Variants in CCDC13 observed in about 807,000 individuals in gnomAD.
CCDC13 encodes coiled-coil domain-containing protein 13.
In CCDC13, 70 loss-of-function variants were observed where a neutral mutation model predicts 87.3. The observed-to-expected ratio is 0.80, with a 90% CI of 0.66 to 0.98. The LOEUF is 0.98. Ranked by LOEUF, CCDC13 falls within the 50% of genes least tolerant of loss-of-function variation. The pLI is 0.00. For synonymous variants in CCDC13, 317 were observed against 360.3 expected, an observed-to-expected ratio of 0.88 and a Z score of 1.36; for missense variants, 842 against 892.0, an observed-to-expected ratio of 0.94 and a Z score of 0.71.
In CCDC13 at chr3:42,754,378, G is replaced by A. The variant is rs192568704; in HGVS notation, c.371-1661C>T. 2.1e-3 allele frequency among the ~76,000 whole-genome samples: 324 copies of A among 152,274 alleles called. 1 individual carries two copies. Among genetic ancestry groups the A allele is most frequent in the Non-Finnish European group, 3.8e-3 (261 of 68,016 alleles). On this transcript the variant is annotated intron_variant, in intron 3 of 15. Coordinates refer to ENST00000310232, the MANE Select transcript of CCDC13 (RefSeq NM_144719.4). ...TGGAGCCCTGGAGTATCTAGAGGGA[G>A]ACAGGCCCCATTCAGCACCAAGATG...
chr3:42,735,519 G>A (rs922976070), intron 10 of CCDC13, among the ~76,000 whole-genome samples, 188 bp downstream of exon 10: 3 of 152,196 alleles, frequency 2.0e-5, no homozygotes, highest in Admixed American at 6.5e-5. Flanking sequence ...CAGATTTTAA[G>A]TAGAGCAAGG....
intron 13 of CCDC13, among the ~76,000 whole-genome samples, chr3:42,726,922 C>G (rs774796750): frequency 6.6e-6 from 1 of 151,896 alleles, no homozygotes; most frequent in Non-Finnish European, 1.5e-5. Flanking sequence ...TAAGGAATGA[C>G]AATAAAACTG....
At chr3:42,739,550 G>A in intron 9 of CCDC13, 84 bp downstream of exon 9, 4 of 1,462,902 alleles carry the variant, frequency 2.7e-6, no homozygotes, top group Non-Finnish European at 3.7e-6. Context: ...AGGGGTGAGT[G>A]AGGGCTCACT....
At position 42,716,842 on chromosome 3, in the gene CCDC13, C is replaced by T. The variant is rs186956009; in HGVS notation, c.1719-3526G>A. ...ACAATTCCACTTCTCAAATTGAAAA[C>T]GGGGACTCAAACAGGTACTTGTACA... On this transcript the variant is annotated intron_variant, in intron 13 of 15. Coordinates refer to ENST00000310232, the MANE Select transcript of CCDC13 (RefSeq NM_144719.4). Among the ~76,000 whole-genome samples, 14 of 152,242 alleles carry T rather than the reference C, an allele frequency of 9.2e-5. No individual in the cohort carries two copies. In the East Asian group the frequency reaches 2.5e-3, roughly 27 times the overall value.
In CCDC13 at chr3:42,751,997, G is replaced by C. The variant is rs1205860718; in HGVS notation, c.542C>G (p.Ala181Gly). Residue 181 changes from alanine (A) to glycine (G), a missense_variant, in exon 5 of 16, where the codon GCC becomes GGC. Coordinates refer to ENST00000310232, the MANE Select transcript of CCDC13 (RefSeq NM_144719.4). ...GGCTCCTGCGTCGGTGGCCCCCTTG[G>C]CTGACAGCCTGGTCAGGGCTGTCTG... ...ELQTALTRLS[A>G]KGATDAGAKP... is the part of the protein sequence containing the mutation. 6.2e-7 allele frequency: 1 copy of C among 1,608,948 alleles called. No individual in the cohort carries two copies.
chr3:42,757,102 T>A lies in CCDC13; in HGVS notation c.334A>T (p.Lys112Ter), dbSNP rs1439103604. ...AATCTGTCCTCTTCTATTTTCTTTT[T>A]GAGGTGTTTGATTTCAAAGTCCCTT... is the stretch of plus-strand genomic sequence containing the variant. Reference protein sequence around the residue: ...KERDFEIKHLKKKIEEDRFAF... With the variant: ...KERDFEIKHL Residue 112 changes from lysine (K) to a stop codon, truncating the protein, a stop_gained, in exon 3 of 16, where the codon AAA becomes TAA. Transcript: ENST00000310232. LOFTEE classifies it high-confidence loss of function. 2 of 1,614,228 alleles carry A rather than the reference T, an allele frequency of 1.2e-6. No homozygotes were observed. The highest frequency in any genetic ancestry group is 1.7e-6 in the Non-Finnish European group (2 of 1,180,038).
intron 13 of CCDC13, among the ~76,000 whole-genome samples, chr3:42,717,523 G>T (rs1001524156): frequency 6.6e-6 from 1 of 152,040 alleles, no homozygotes; most frequent in African/African-American, 2.4e-5. Context: ...TCTGTTTGTG[G>T]TTATGAAAAA....
At chr3:42,750,358 C>G (rs959559934) in intron 5 of CCDC13, among the ~76,000 whole-genome samples, 2 of 152,182 alleles carry the variant, frequency 1.3e-5, no homozygotes, top group African/African-American at 4.8e-5. Context: ...CTTAGAGCAC[C>G]GGGGCCATCT....
intron 11 of CCDC13, 113 bp downstream of exon 11, chr3:42,733,357 A>G (rs1698892950): frequency 1.5e-6 from 2 of 1,298,972 alleles, no homozygotes; most frequent in East Asian, 2.3e-5. Context: ...GAACAACAGC[A>G]TAGTCATCTT....
intron 7 of CCDC13, 68 bp from the exon 8 acceptor site, chr3:42,743,125 T>A: frequency 6.4e-7 from 1 of 1,574,636 alleles, no homozygotes; most frequent in Non-Finnish European, 8.7e-7. Context: ...AGAAGTGTGA[T>A]AGGAGACCCC....
At chr3:42,755,878 C>A (rs779436757) in intron 3 of CCDC13, among the ~76,000 whole-genome samples, 2 of 152,304 alleles carry the variant, frequency 1.3e-5, no homozygotes, top group Admixed American at 1.3e-4. Context: ...TCCTGCTCCC[C>A]CTGGAGCCCA....
intron 13 of CCDC13, among the ~76,000 whole-genome samples, chr3:42,722,340 TG>T (rs1395355011): frequency 6.6e-6 from 1 of 152,094 alleles, no homozygotes; most frequent in African/African-American, 2.4e-5. Context: ...ATAAAAGGGA[TG>T]GGGGGAAAAT....
rs148220021 is a variant in CCDC13, at chr3:42,742,927, C to T, written c.956G>A (p.Ser319Asn). The T allele has an allele frequency of 1.2e-6, 2 of 1,614,052 alleles. No individual in the cohort carries two copies. The highest frequency in any genetic ancestry group is 1.7e-5 in the Admixed American group (1 of 60,004). Residue 319 changes from serine to asparagine, a missense_variant, in exon 8 of 16, where the codon AGC becomes AAC. Physicochemically the swap from Ser to Asn is conservative, Grantham distance 46 (BLOSUM62 1). Coordinates refer to ENST00000310232, the MANE Select transcript of CCDC13 (RefSeq NM_144719.4). ...GCCTTCCTGTTTTTCCCTTTCCAGGCTGCGGATCCTCAGCAGGTTTTTCTC... is the reference window on the plus strand; with the variant it reads ...GCCTTCCTGTTTTTCCCTTTCCAGGTTGCGGATCCTCAGCAGGTTTTTCTC... Reference protein sequence around the residue: ...AQEKNLLRIRSLEREKQEGLE... With the variant: ...AQEKNLLRIRNLEREKQEGLE...
chr3:42,749,117 A>G (rs988916120), intron 5 of CCDC13, among the ~76,000 whole-genome samples: 2 of 152,042 alleles, frequency 1.3e-5, no homozygotes, highest in African/African-American at 4.8e-5. Flanking sequence ...GCCGCCTGCC[A>G]TCCCTGCATA....
At position 42,709,053 on chromosome 3, in the gene CCDC13, T is replaced by C; in HGVS notation, c.2075A>G (p.Tyr692Cys). 1 of 1,614,108 alleles carries C rather than the reference T, an allele frequency of 6.2e-7. No individual in the cohort carries two copies. The highest frequency in any genetic ancestry group is 8.5e-7 in the Non-Finnish European group (1 of 1,179,950). ...TTTCACCTGGCCCAGGATCTCATGGTACATCCGGAAGTCCTCCTCCTTTCC... is the reference window on the plus strand; with the variant it reads ...TTTCACCTGGCCCAGGATCTCATGGCACATCCGGAAGTCCTCCTCCTTTCC... ...LRGKEEDFRM[Y>C]HEILGQVKSV... Residue 692 changes from tyrosine to cysteine, a missense_variant, in exon 16 of 16, where the codon TAC becomes TGC. By Grantham distance (194) the Tyr-to-Cys change is radical. Transcript: ENST00000310232.
chr3:42,753,176 G>T (rs961971472), intron 3 of CCDC13, among the ~76,000 whole-genome samples: 2 of 152,178 alleles, frequency 1.3e-5, no homozygotes, highest in Non-Finnish European at 2.9e-5. Context: ...GGCTTGAAAA[G>T]CACTCGTGCA....
chr3:42,754,201 C>T (rs894379635), intron 3 of CCDC13, among the ~76,000 whole-genome samples: 1 of 152,142 alleles, frequency 6.6e-6, no homozygotes, highest in African/African-American at 2.4e-5. Context: ...AGCAAACAGG[C>T]ACTTTATGGC....
chr3:42,755,732 G>T (rs1215115622), intron 3 of CCDC13, among the ~76,000 whole-genome samples: 1 of 152,240 alleles, frequency 6.6e-6, no homozygotes, highest in Non-Finnish European at 1.5e-5. Flanking sequence ...GGACGCTTAG[G>T]GCTGGCAGTC....
At chr3:42,745,116 C>T (rs1333169779) in intron 7 of CCDC13, 2 of 152,104 alleles carry the variant, frequency 1.3e-5, no homozygotes, top group Admixed American at 6.6e-5. Flanking sequence ...ATGGGAGACA[C>T]TGAAGATAAA....
Sources: gnomAD v4.1 joint callset for allele counts (sites outside exome capture counted in the v4.1 genomes callset) on GRCh38, gnomAD v4.1.1 for gene constraint, MANE v1.5 for transcripts, NCBI Gene and HGNC (gene_info 2026-07-23, HGNC 2026-07-21) for gene names.